The following TEKT1 variants were observed in gnomAD, a reference collection of about 807,000 sequenced individuals.
The protein encoded by TEKT1 is tektin 1.
Under a neutral mutation model 34.8 loss-of-function variants are expected in TEKT1, and 32 were observed. The observed-to-expected ratio is 0.92, with a 90% confidence interval of 0.69 to 1.23. TEKT1 has a LOEUF of 1.23. TEKT1 is among the 50% of genes most tolerant of loss of function. The pLI is 0.00. For synonymous variants in TEKT1, 207 were observed against 199.8 expected, an observed-to-expected ratio of 1.04 and a Z score of -0.30; for missense variants, 492 against 518.5, an observed-to-expected ratio of 0.95 and a Z score of 0.50.
At chr17:6,809,109 T>G (rs1162664288) in intron 6 of TEKT1, among the ~76,000 whole-genome samples, 1 of 152,208 alleles carries the variant, frequency 6.6e-6, no homozygotes. Context: ...GCATCTTCCA[T>G]TAGTGTGGTA....
rs200601711 is a variant in TEKT1 at position 6,815,153 on chromosome 17, G to A, written c.629+10C>T. On this transcript the variant is annotated intron_variant, in intron 5 of 7. Coordinates refer to ENST00000338694, the MANE Select transcript of TEKT1 (RefSeq NM_053285.2). ...CACCCGCGAGGAGGAAGACGGCAAG[G>A]CCCACTCACTTTGGCTCAATCCTCA... 939 of 1,605,960 alleles carry A rather than the reference G, an allele frequency of 5.8e-4. 4 individuals carry two copies. Among genetic ancestry groups the A allele is most frequent in the Middle Eastern group, 2.7e-3 (16 of 6,030 alleles).
At chr17:6,803,638 A>G (rs1043873081) in intron 6 of TEKT1, among the ~76,000 whole-genome samples, 20 of 152,128 alleles carry the variant, frequency 1.3e-4, no homozygotes, top group Non-Finnish European at 2.4e-4. Flanking sequence ...ATTTTTGTAT[A>G]AGGTGTAAGG....
Position 6,800,759 on chromosome 17 carries a change from T to C in TEKT1, c.1037A>G (p.His346Arg). The C allele has an allele frequency of 6.2e-7, 1 of 1,612,536 alleles. No individual in the cohort carries two copies. Among genetic ancestry groups the C allele is most frequent in the Middle Eastern group, 1.7e-4 (1 of 6,030 alleles). The change falls in exon 7 of 8, where the codon CAC becomes CGC. Residue 346 changes from histidine to arginine, a missense_variant. Coordinates refer to ENST00000338694, the MANE Select transcript of TEKT1 (RefSeq NM_053285.2). Reference protein sequence around the residue: ...RLMKEVQEITHNVARLKETLA... With the variant: ...RLMKEVQEITRNVARLKETLA... ...GCTGCTAGCCTACCTTGCGACATTG[T>C]GGGTGATCTCTTGAACCTCCTTCAT...
Position 6,811,088 on chromosome 17 carries a change from G to T in TEKT1, c.852+1743C>A, listed in dbSNP as rs1005080176. On this transcript the variant is annotated intron_variant, in intron 6 of 7. Transcript: ENST00000338694. This position sits in a 1 kb window ranked among gnomAD's most constrained non-coding sequence, Gnocchi z 4.4. ...TTATTACCAGTATGTCTTTGTTTCT[G>T]CTCCTTAGCCTCTTCTCTTCCTCTC... is the stretch of plus-strand genomic sequence containing the variant. Among the ~76,000 whole-genome samples, 1 of 151,948 alleles carries T rather than the reference G, an allele frequency of 6.6e-6. No homozygotes were observed. The highest frequency in any genetic ancestry group is 2.4e-5 in the African/African-American group (1 of 41,388).
At chr17:6,806,112 G>C (rs12451093) in intron 6 of TEKT1, among the ~76,000 whole-genome samples, 19,718 of 152,098 alleles carry the variant, frequency 0.13, 1,509 homozygotes, top group Admixed American at 0.15. Flanking sequence ...AAGTCTCTTT[G>C]TAGGTCTCTA....
intron 6 of TEKT1, 27 bp from the exon 7 acceptor site, chr17:6,800,970 G>T (rs774117025): frequency 6.3e-7 from 1 of 1,590,706 alleles, no homozygotes; most frequent in East Asian, 2.2e-5. Context: ...GAGTAGGTGA[G>T]GCCAAGCTGT....
chr17:6,813,171 T>G, intron 5 of TEKT1, 118 bp from the exon 6 acceptor site: 27 of 820,954 alleles, frequency 3.3e-5, no homozygotes, highest in Middle Eastern at 7.0e-4. Context: ...ACCCTATCTC[T>G]AGGCAGAGCA....
chr17:6,810,149 G>A (rs1489227805), intron 6 of TEKT1, among the ~76,000 whole-genome samples: 1 of 152,188 alleles, frequency 6.6e-6, no homozygotes, highest in Non-Finnish European at 1.5e-5. Flanking sequence ...ACCAGCATTT[G>A]GGGGTGTCAG....
chr17:6,815,324 A>G lies in TEKT1; in HGVS notation c.486-18T>C, dbSNP rs146350207. ...GGTTCATCCTGAAGGGAGAAAGTAA[A>G]CTGGGTTTCTGCCTCTGGAGTGCCC... is the stretch of plus-strand genomic sequence containing the variant. On this transcript the variant is annotated intron_variant, in intron 4 of 7. Transcript: ENST00000338694. 6.7e-5 allele frequency: 108 copies of G among 1,614,194 alleles called. No individual in the cohort carries two copies. In the African/African-American group the frequency reaches 1.2e-3, roughly 17 times the overall value.
chr17:6,816,366 T>C (rs1185100561), intron 3 of TEKT1, among the ~76,000 whole-genome samples: 1 of 152,206 alleles, frequency 6.6e-6, no homozygotes, highest in African/African-American at 2.4e-5. Context: ...TTTCTCCTAA[T>C]GCTATCCCTC....
At chr17:6,809,996 G>T (rs1156248521) in intron 6 of TEKT1, among the ~76,000 whole-genome samples, 1 of 152,158 alleles carries the variant, frequency 6.6e-6, no homozygotes, top group East Asian at 1.9e-4. Flanking sequence ...GCCCATCTGG[G>T]CAAATACCAA....
intron 3 of TEKT1, among the ~76,000 whole-genome samples, chr17:6,816,323 C>G (rs1192409689): frequency 6.6e-6 from 1 of 152,064 alleles, no homozygotes; most frequent in Admixed American, 6.5e-5. Flanking sequence ...CATTGGTTTG[C>G]TGCACCCATC....
intron 6 of TEKT1, among the ~76,000 whole-genome samples, chr17:6,808,589 C>T (rs1300903000): frequency 2.0e-5 from 3 of 152,156 alleles, no homozygotes; most frequent in Non-Finnish European, 4.4e-5. Flanking sequence ...GGAGCTGTTC[C>T]TATTTGACCA....
chr17:6,798,297 G>A lies in TEKT1; in HGVS notation c.*1730C>T, dbSNP rs12937082. The A allele has an allele frequency of 0.057, 8,626 of 152,352 alleles. 306 individuals are homozygous for A. The highest frequency in any genetic ancestry group is 0.086 in the South Asian group (413 of 4,830). The allele number at this position is 152,352 out of a possible 1,614,324, so 9.4% of individuals were successfully genotyped here. On this transcript the variant is annotated 3_prime_UTR_variant, in exon 8 of 8. Coordinates refer to ENST00000338694, the MANE Select transcript of TEKT1 (RefSeq NM_053285.2). ...CATCTCCCTGCAGAGCCTGGGATCT[G>A]AATCCACCACTGAGGCTGGCTGCCT...
intron 2 of TEKT1, among the ~76,000 whole-genome samples, chr17:6,829,311 C>A (rs895407418): frequency 2.0e-5 from 3 of 152,206 alleles, no homozygotes; most frequent in African/African-American, 7.2e-5. Context: ...TCTGGTTATA[C>A]ACCTGTCCCT....
chr17:6,813,007 C>T lies in TEKT1; in HGVS notation c.676G>A (p.Glu226Lys), dbSNP rs943371729. The T allele has an allele frequency of 2.5e-6, 4 of 1,614,066 alleles. No homozygotes were observed. Among genetic ancestry groups the T allele is most frequent in the Non-Finnish European group, 2.5e-6 (3 of 1,180,038 alleles). Residue 226 changes from glutamate to lysine, a missense_variant, in exon 6 of 8, where the codon GAG becomes AAG. Transcript: ENST00000338694. ...TTGTTCCGCTGCTTGTCAGCCTTCT[C>T]CACATTGGTGCTGGAGAAGTCCAAC... is the stretch of plus-strand genomic sequence containing the variant. ...DWLDFSSTNV[E>K]KADKQRNNSL...
rs1976735436 is a variant in TEKT1 at position 6,799,405 on chromosome 17, A to G, written c.*622T>C. The G allele has an allele frequency of 1.3e-5, 2 of 152,114 alleles. No individual in the cohort carries two copies. Among genetic ancestry groups the G allele is most frequent in the Admixed American group, 1.3e-4 (2 of 15,262 alleles). The allele number at this position is 152,114 out of a possible 1,614,324, so 9.4% of individuals were successfully genotyped here. ...TCACAATGGCTCACATTCATTAAACACTCACTGCCCCATGATACAGGCTCA... is the reference window on the plus strand; with the variant it reads ...TCACAATGGCTCACATTCATTAAACGCTCACTGCCCCATGATACAGGCTCA... On this transcript the variant is annotated 3_prime_UTR_variant, in exon 8 of 8. Coordinates refer to ENST00000338694, the MANE Select transcript of TEKT1 (RefSeq NM_053285.2).
intron 6 of TEKT1, among the ~76,000 whole-genome samples, chr17:6,810,048 G>GT (rs1467021388): frequency 6.6e-6 from 1 of 152,176 alleles, no homozygotes; most frequent in Non-Finnish European, 1.5e-5. Context: ...GTTTAGCCTT[G>GT]TAAGAAACTG....
rs1340064013 is a variant in TEKT1 at position 6,815,884 on chromosome 17, G to T, written c.435C>A (p.Gly145=). The change falls in exon 4 of 8, where the codon GGC becomes GGA. Residue 145 remains glycine (G), a synonymous_variant. Coordinates refer to ENST00000338694, the MANE Select transcript of TEKT1 (RefSeq NM_053285.2). ...ELIKEAEIIQ[G]IMALLTRTLE... ...AGGTACGGGTCAGCAGAGCCATAAT[G>T]CCCTGGATGATCTCAGCCTCCTTTA... 1 of 1,614,178 alleles carries T rather than the reference G, an allele frequency of 6.2e-7. No individual in the cohort carries two copies. The highest frequency in any genetic ancestry group is 1.7e-5 in the Admixed American group (1 of 60,020).
Sources: allele counts gnomAD v4.1 joint callset (sites outside exome capture counted in the v4.1 genomes callset), GRCh38; gene constraint gnomAD v4.1.1; non-coding constraint Gnocchi (gnomAD v3.1); transcripts MANE v1.5; gene names NCBI Gene and HGNC (gene_info 2026-07-23, HGNC 2026-07-21).